Variants in KCNQ5 observed in about 807,000 individuals in gnomAD.
KCNQ5 encodes the protein potassium voltage-gated channel subfamily KQT member 5.
In KCNQ5, 30 loss-of-function variants were observed where a neutral mutation model predicts 98.2. The observed-to-expected ratio is 0.31, with a 90% CI of 0.23 to 0.41. KCNQ5 has a LOEUF of 0.41. KCNQ5 is among the 10% of genes least tolerant of loss of function. KCNQ5 has a pLI of 1.00. For missense variants in KCNQ5, 835 were observed against 1,182.5 expected (o/e 0.71, Z 4.31); for synonymous variants, 458 against 449.4 (o/e 1.02, Z -0.24).
intron 1 of KCNQ5, among the ~76,000 whole-genome samples, chr6:72,638,349 T>C (rs1238385163): frequency 6.6e-6 from 1 of 152,200 alleles, no homozygotes; most frequent in Non-Finnish European, 1.5e-5. Flanking sequence ...ACTTTACAAT[T>C]ACATTTCCTA....
At chr6:72,694,651 T>C (rs757070020) in intron 1 of KCNQ5, among the ~76,000 whole-genome samples, 6 of 152,204 alleles carry the variant, frequency 3.9e-5, no homozygotes, top group Non-Finnish European at 8.8e-5. Context: ...AAGGTAAGAA[T>C]ACCTGGACAG....
At chr6:72,981,772 T>G (rs1406386059) in intron 1 of KCNQ5, among the ~76,000 whole-genome samples, 2 of 152,250 alleles carry the variant, frequency 1.3e-5, no homozygotes, top group Admixed American at 1.3e-4. Context: ...TTTAGATCTT[T>G]CCTGCTTTCT....
intron 1 of KCNQ5, among the ~76,000 whole-genome samples, chr6:72,939,201 T>G (rs1766108310): frequency 6.6e-6 from 1 of 152,126 alleles, no homozygotes. Context: ...CTGGCACACT[T>G]GATTGCTTGA....
intron 1 of KCNQ5, among the ~76,000 whole-genome samples, chr6:72,791,316 A>G (rs1774027647): frequency 6.6e-6 from 1 of 152,224 alleles, no homozygotes; most frequent in South Asian, 2.1e-4. Context: ...CTGAATGATG[A>G]CAAAATGTGA....
At chr6:72,632,350 C>T (rs902759178) in intron 1 of KCNQ5, among the ~76,000 whole-genome samples, 2 of 151,888 alleles carry the variant, frequency 1.3e-5, no homozygotes, top group Admixed American at 6.6e-5. Flanking sequence ...ACCGTGTTAG[C>T]CAGGATGGTC....
intron 10 of KCNQ5, among the ~76,000 whole-genome samples, chr6:73,161,799 AC>A (rs1323870360): frequency 6.6e-6 from 1 of 152,200 alleles, no homozygotes; most frequent in Non-Finnish European, 1.5e-5. Context: ...GGTCTTCTTT[AC>A]CATCCTCTCT....
intron 1 of KCNQ5, among the ~76,000 whole-genome samples, chr6:72,974,204 A>C (rs1768039282): frequency 6.6e-6 from 1 of 152,218 alleles, no homozygotes; most frequent in Admixed American, 6.5e-5. Flanking sequence ...ACACCTATTC[A>C]TTTACAGTTT....
chr6:72,739,727 T>C (rs565636589), intron 1 of KCNQ5, among the ~76,000 whole-genome samples: 52 of 152,348 alleles, frequency 3.4e-4, no homozygotes, highest in Middle Eastern at 3.4e-3. Flanking sequence ...GATTTAGGAC[T>C]GAGGAACTGT....
intron 10 of KCNQ5, chr6:73,157,406 C>A: frequency 1.7e-6 from 1 of 595,186 alleles, no homozygotes; most frequent in Non-Finnish European, 3.0e-6. Context: ...TGGGGGGCAG[C>A]GGCAGCTCTG....
At chr6:72,768,929 C>T (rs541201488) in intron 1 of KCNQ5, among the ~76,000 whole-genome samples, 1 of 152,212 alleles carries the variant, frequency 6.6e-6, no homozygotes, top group South Asian at 2.1e-4. Flanking sequence ...TTGGAGCTAT[C>T]TGTAAGGCTT....
chr6:73,062,087 CCT>C (rs1341770377), intron 3 of KCNQ5, among the ~76,000 whole-genome samples: 3 of 151,996 alleles, frequency 2.0e-5, no homozygotes, highest in African/African-American at 7.3e-5. Flanking sequence ...AGTCTGGAGT[CCT>C]TAGATATAAT....
chr6:72,708,381 G>C (rs74992990), intron 1 of KCNQ5, among the ~76,000 whole-genome samples: 1 of 151,844 alleles, frequency 6.6e-6, no homozygotes, highest in Non-Finnish European at 1.5e-5. Context: ...AAGAGGGTGG[G>C]GAAAATTTAT....
chr6:72,818,985 G>T (rs1033502288), intron 1 of KCNQ5, among the ~76,000 whole-genome samples: 6 of 151,806 alleles, frequency 4.0e-5, no homozygotes, highest in Non-Finnish European at 7.4e-5. Context: ...TAATGACTGC[G>T]TGCATTCATT....
intron 1 of KCNQ5, among the ~76,000 whole-genome samples, chr6:72,883,532 G>A (rs7770776): frequency 0.6 from 91,140 of 152,002 alleles, 27,987 homozygotes; most frequent in East Asian, 0.79. Context: ...AAAAGAAGAG[G>A]AAGTCCAACA....
At chr6:73,087,569 T>C (rs922076784) in intron 5 of KCNQ5, among the ~76,000 whole-genome samples, 4 of 152,120 alleles carry the variant, frequency 2.6e-5, no homozygotes, top group African/African-American at 9.7e-5. Context: ...CATTTAAATC[T>C]ATGAGAACAT....
At chr6:72,651,833 T>C (rs1222566525) in intron 1 of KCNQ5, among the ~76,000 whole-genome samples, 7 of 152,082 alleles carry the variant, frequency 4.6e-5, no homozygotes, top group Admixed American at 3.9e-4. Context: ...GAAATGTCTG[T>C]GGTATTTGGG....
At chr6:72,636,323 C>T (rs568331121) in intron 1 of KCNQ5, among the ~76,000 whole-genome samples, 50 of 152,248 alleles carry the variant, frequency 3.3e-4, no homozygotes, top group African/African-American at 1.2e-3. Flanking sequence ...TATAATCTGG[C>T]ATCACAGAGC....
At chr6:72,998,296 C>T (rs899531337) in intron 1 of KCNQ5, among the ~76,000 whole-genome samples, 1 of 152,166 alleles carries the variant, frequency 6.6e-6, no homozygotes, top group African/African-American at 2.4e-5. Context: ...CATACTTCAT[C>T]AAAGCAATAC....
chr6:72,877,290 C>T (rs1778444486), intron 1 of KCNQ5, among the ~76,000 whole-genome samples: 1 of 152,096 alleles, frequency 6.6e-6, no homozygotes, highest in African/African-American at 2.4e-5. Context: ...GTTCAACTCC[C>T]ACTTATGAAG....
Sources: allele counts gnomAD v4.1 joint callset (sites outside exome capture counted in the v4.1 genomes callset), GRCh38; gene constraint gnomAD v4.1.1; transcripts MANE v1.5; gene names NCBI Gene and HGNC (gene_info 2026-07-23, HGNC 2026-07-21).